Variants in ATXN7L1 observed in about 807,000 individuals in gnomAD.
The protein encoded by ATXN7L1 is ataxin-7-like protein 1.
Under a neutral mutation model 70.8 loss-of-function variants are expected in ATXN7L1, and 15 were observed. The observed-to-expected ratio is 0.21, with a 90% CI of 0.14 to 0.33. ATXN7L1 has a LOEUF of 0.33. ATXN7L1 is among the 10% of genes least tolerant of loss of function. ATXN7L1 has a pLI of 1.00. For missense variants in ATXN7L1, 975 were observed against 1,097.1 expected (o/e 0.89, Z 1.57); for synonymous variants, 440 against 445.1 (o/e 0.99, Z 0.14).
In ATXN7L1 at chr7:105,614,426, G is replaced by A. The variant is rs759572314; in HGVS notation, c.1908C>T (p.Ser636=). Reference sequence around the variant, plus strand: ...TTTTTTTGTTACTTGGAGACTCGTCGCTACGGGTGGACAGGTCTTTGACTT... The same window carrying A: ...TTTTTTTGTTACTTGGAGACTCGTCACTACGGGTGGACAGGTCTTTGACTT... ...SSKVKDLSTR[S]DESPSNKKRK... The change falls in exon 10 of 12, where the codon AGC becomes AGT. Residue 636 remains serine, a synonymous_variant. Coordinates refer to ENST00000419735, the MANE Select transcript of ATXN7L1 (RefSeq NM_020725.2). The surrounding 1 kb of genome is among the most constrained non-coding windows in gnomAD (Gnocchi z 4.3). 108 of 1,550,256 alleles carry A rather than the reference G, an allele frequency of 7.0e-5. No homozygotes were observed. The highest frequency in any genetic ancestry group is 2.7e-4 in the African/African-American group (20 of 72,876).
chr7:105,613,327 C>T (rs538184048), intron 10 of ATXN7L1: 11 of 206,620 alleles, frequency 5.3e-5, no homozygotes, highest in South Asian at 3.2e-4. Flanking sequence ...AGGTGGGGGT[C>T]GAGGCAGCCT....
intron 3 of ATXN7L1, among the ~76,000 whole-genome samples, chr7:105,708,860 C>T (rs774510189): frequency 2.0e-4 from 30 of 152,280 alleles, no homozygotes; most frequent in Non-Finnish European, 3.5e-4. Context: ...CATAGTCACG[C>T]GCCCTATTTG....
chr7:105,641,927 T>C (rs1358522256), intron 5 of ATXN7L1, among the ~76,000 whole-genome samples: 3 of 152,192 alleles, frequency 2.0e-5, no homozygotes, highest in Non-Finnish European at 4.4e-5. Flanking sequence ...ACAATAAAAA[T>C]TACCCACAAT....
intron 3 of ATXN7L1, chr7:105,788,219 T>C (rs1804608681): frequency 5.6e-6 from 1 of 179,554 alleles, no homozygotes; most frequent in African/African-American, 2.3e-5. Context: ...CCCTCCTTTT[T>C]GTAAGTCTCG....
chr7:105,821,029 G>GT (rs1170700106), intron 2 of ATXN7L1, among the ~76,000 whole-genome samples: 2 of 152,116 alleles, frequency 1.3e-5, no homozygotes, highest in East Asian at 3.9e-4. Context: ...TGAAACCTCT[G>GT]TTTTTTTGTT....
At chr7:105,733,932 TCATC>T (rs76828507) in intron 3 of ATXN7L1, among the ~76,000 whole-genome samples, 19,724 of 95,682 alleles carry the variant, frequency 0.21, 1,983 homozygotes, top group Middle Eastern at 0.36. Context: ...CCATCATCCA[TCATC>T]CATCCATCCA....
At chr7:105,725,299 G>A (rs113924248) in intron 3 of ATXN7L1, among the ~76,000 whole-genome samples, 1 of 152,134 alleles carries the variant, frequency 6.6e-6, no homozygotes, top group African/African-American at 2.4e-5. Context: ...AATAATAGGT[G>A]GAAGCAACCA....
At chr7:105,799,502 G>A (rs200838722) in intron 2 of ATXN7L1, among the ~76,000 whole-genome samples, 3 of 39,900 alleles carry the variant, frequency 7.5e-5, no homozygotes, top group East Asian at 1.7e-3. Context: ...CATGGTGGGC[G>A]AGAGACCTCT....
At chr7:105,669,676 A>G (rs540241059) in intron 3 of ATXN7L1, among the ~76,000 whole-genome samples, 25 of 152,270 alleles carry the variant, frequency 1.6e-4, no homozygotes, top group African/African-American at 6.0e-4. Flanking sequence ...CAATCCCAGC[A>G]CTTTGGGAGG....
intron 3 of ATXN7L1, among the ~76,000 whole-genome samples, chr7:105,759,161 CTTTT>C (rs10708956): frequency 1.5e-5 from 2 of 136,908 alleles, no homozygotes; most frequent in Non-Finnish European, 3.1e-5. Flanking sequence ...TTTATTCTTA[CTTTT>C]TTTTTTTTTT....
chr7:105,837,344 G>A (rs1449077073), intron 2 of ATXN7L1, among the ~76,000 whole-genome samples: 1 of 151,518 alleles, frequency 6.6e-6, no homozygotes, highest in Non-Finnish European at 1.5e-5. Context: ...AATGCCCTAA[G>A]ATGCACCATT....
chr7:105,683,913 T>A (rs536972959), intron 3 of ATXN7L1, among the ~76,000 whole-genome samples: 1 of 152,132 alleles, frequency 6.6e-6, no homozygotes, highest in African/African-American at 2.4e-5. Context: ...GACCTTGAAG[T>A]TGGGACTAAC....
intron 3 of ATXN7L1, among the ~76,000 whole-genome samples, chr7:105,758,469 T>G (rs1405053128): frequency 6.6e-6 from 1 of 152,230 alleles, no homozygotes; most frequent in Admixed American, 6.5e-5. Flanking sequence ...CACTCTTCAG[T>G]GTGAAGCAGG....
At chr7:105,624,384 G>A (rs978327868) in intron 7 of ATXN7L1, 117 bp from the exon 8 acceptor site, 50 of 1,041,636 alleles carry the variant, frequency 4.8e-5, no homozygotes, top group Non-Finnish European at 6.2e-5. Flanking sequence ...AGGTTCGGTG[G>A]CTCACGCCTG....
intron 9 of ATXN7L1, among the ~76,000 whole-genome samples, chr7:105,619,140 G>GGTTTTT (rs1794376106): frequency 6.0e-5 from 3 of 49,846 alleles, no homozygotes; most frequent in Non-Finnish European, 9.9e-5. Flanking sequence ...GAAATCTTTA[G>GGTTTTT]TTTTTTTTTT....
intron 3 of ATXN7L1, among the ~76,000 whole-genome samples, chr7:105,766,304 G>A (rs750709263): frequency 1.3e-5 from 2 of 152,064 alleles, no homozygotes; most frequent in Non-Finnish European, 2.9e-5. Context: ...TACAGTGCGT[G>A]CAACGTGAAG....
chr7:105,732,601 G>A (rs542429805), intron 3 of ATXN7L1, among the ~76,000 whole-genome samples: 5 of 152,268 alleles, frequency 3.3e-5, no homozygotes, highest in South Asian at 4.1e-4. Context: ...TGCTGAGTAT[G>A]CAGTTGTTCT....
intron 5 of ATXN7L1, among the ~76,000 whole-genome samples, chr7:105,640,824 A>C (rs1006224389): frequency 6.6e-6 from 1 of 152,240 alleles, no homozygotes; most frequent in East Asian, 1.9e-4. Flanking sequence ...GAGCAAACAC[A>C]TAAGTCCTGC....
At chr7:105,637,619 G>A (rs931364309) in intron 7 of ATXN7L1, among the ~76,000 whole-genome samples, 14 of 152,154 alleles carry the variant, frequency 9.2e-5, no homozygotes, top group African/African-American at 3.1e-4. Flanking sequence ...GTTCTCTGTC[G>A]CATTATTTGG....
Sources: allele counts gnomAD v4.1 joint callset (sites outside exome capture counted in the v4.1 genomes callset), GRCh38; gene constraint gnomAD v4.1.1; non-coding constraint Gnocchi (gnomAD v3.1); transcripts MANE v1.5; gene names NCBI Gene and HGNC (gene_info 2026-07-23, HGNC 2026-07-21).